The following CFAP43 variants were observed in gnomAD, a reference collection of about 807,000 sequenced individuals.
The protein encoded by CFAP43 is cilia- and flagella-associated protein 43.
CFAP43 carries 155 observed loss-of-function variants against 218.9 expected under a neutral mutation model. The observed-to-expected ratio is 0.71, with a 90% CI of 0.62 to 0.81. The LOEUF is 0.81. Ranked by LOEUF, CFAP43 falls within the 30% of genes least tolerant of loss-of-function variation. The probability of loss-of-function intolerance (pLI) is 0.00; values close to 1 mark genes in which losing one functional copy is unlikely to be tolerated. For missense variants in CFAP43, 1,778 were observed against 1,954.3 expected (o/e 0.91, Z 1.70); for synonymous variants, 645 against 681.3 (o/e 0.95, Z 0.83).
At chr10:104,178,999 G>T (rs370462831) in intron 19 of CFAP43, 30 bp downstream of exon 19, 14 of 1,555,700 alleles carry the variant, frequency 9.0e-6, no homozygotes, top group Admixed American at 1.7e-5. Flanking sequence ...GAGGGCCAAA[G>T]GTATTAGAAT....
chr10:104,142,143 A>C, intron 33 of CFAP43, 138 bp downstream of exon 33: 1 of 578,036 alleles, frequency 1.7e-6, no homozygotes, highest in Admixed American at 3.5e-5. Context: ...GCTTTTTAAA[A>C]TAGAAATTTT....
intron 28 of CFAP43, among the ~76,000 whole-genome samples, chr10:104,148,469 C>T (rs576738545): frequency 2.0e-5 from 3 of 152,278 alleles, no homozygotes; most frequent in Admixed American, 6.5e-5. Flanking sequence ...CATGTTGAAA[C>T]GTGATCCCTG....
chr10:104,175,525 A>G (rs928857943), intron 19 of CFAP43, among the ~76,000 whole-genome samples: 4 of 152,216 alleles, frequency 2.6e-5, no homozygotes, highest in African/African-American at 9.6e-5. Flanking sequence ...TGAAAATATC[A>G]TGTCAAAAGG....
Position 104,143,602 on chromosome 10 carries a change from C to A in CFAP43, c.3982G>T (p.Val1328Phe). ...KQKTHSETTS[V>F]VPFGELPGSG... ...CCTGGTAGTTCTCCGAAAGGGACAA[C>A]GCTGGTTGTTTCTGAGTGCGTTTTC... Residue 1328 changes from valine (V) to phenylalanine (F), a missense_variant, in exon 32 of 38, where the codon GTT becomes TTT. Physicochemically the swap from Val to Phe is conservative, Grantham distance 50. Coordinates refer to ENST00000357060, the MANE Select transcript of CFAP43 (RefSeq NM_025145.7). The A allele has an allele frequency of 2.5e-6, 4 of 1,614,176 alleles. No individual in the cohort carries two copies. The highest frequency in any genetic ancestry group is 3.4e-6 in the Non-Finnish European group (4 of 1,180,030).
At chr10:104,218,137 A>G (rs895011937) in intron 3 of CFAP43, among the ~76,000 whole-genome samples, 1 of 151,998 alleles carries the variant, frequency 6.6e-6, no homozygotes, top group Admixed American at 6.6e-5. Context: ...TCATGAGGTC[A>G]GGAGATTGAG....
At chr10:104,180,861 C>T (rs1176910382) in intron 17 of CFAP43, among the ~76,000 whole-genome samples, 1 of 152,136 alleles carries the variant, frequency 6.6e-6, no homozygotes, top group African/African-American at 2.4e-5. Context: ...TCCTCAGGGT[C>T]CTCTGCATCC....
chr10:104,197,670 T>C (rs916541414), intron 9 of CFAP43, among the ~76,000 whole-genome samples: 6 of 152,214 alleles, frequency 3.9e-5, no homozygotes, highest in African/African-American at 1.2e-4. Flanking sequence ...AAGATCTCAA[T>C]TGTGTTGGCT....
intron 8 of CFAP43, among the ~76,000 whole-genome samples, chr10:104,201,735 T>A (rs1249155639): frequency 6.6e-6 from 1 of 152,128 alleles, no homozygotes; most frequent in Non-Finnish European, 1.5e-5. Flanking sequence ...TCTTCTACAA[T>A]GTGTCATTCT....
At chr10:104,189,584 A>C (rs1416006074) in intron 12 of CFAP43, among the ~76,000 whole-genome samples, 2 of 152,044 alleles carry the variant, frequency 1.3e-5, no homozygotes, top group African/African-American at 4.8e-5. Context: ...CAGTTCTCTT[A>C]TTACTCTGGC....
In CFAP43 at chr10:104,172,484, C is replaced by T; in HGVS notation, c.2512G>A (p.Asp838Asn). 1.2e-6 allele frequency: 2 copies of T among 1,607,118 alleles called. No homozygotes were observed. Among genetic ancestry groups the T allele is most frequent in the Non-Finnish European group, 1.7e-6 (2 of 1,178,242 alleles). Reference protein sequence around the residue: ...NDKLENIAKLDQQEFGLDLEE... With the variant: ...NDKLENIAKLNQQEFGLDLEE... The stretch of plus-strand genomic sequence containing the variant: ...AGATCCAGACCAAATTCCTGTTGGT[C>T]TAATTTTGCAATATTTTCTAGTTTG... Residue 838 changes from aspartate to asparagine, a missense_variant, in exon 20 of 38, where the codon GAC becomes AAC. By Grantham distance (23) the Asp-to-Asn change is conservative. Coordinates refer to ENST00000357060, the MANE Select transcript of CFAP43 (RefSeq NM_025145.7).
chr10:104,166,482 AC>A lies in CFAP43; in HGVS notation c.3039+5del, dbSNP rs1179173639. 6.2e-7 allele frequency: 1 copy of A among 1,604,776 alleles called. No individual in the cohort carries two copies. Among genetic ancestry groups the A allele is most frequent in the South Asian group, 1.1e-5 (1 of 89,746 alleles). On this transcript the variant is annotated splice_donor_5th_base_variant and intron_variant, in intron 23 of 37. Transcript: ENST00000357060. ...ATTTTTCAGGATAAAAAGAAAATTGACCCACTTTCAATAATATAATTTGGTT... is the reference window on the plus strand; with the variant it reads ...ATTTTTCAGGATAAAAAGAAAATTGACCACTTTCAATAATATAATTTGGTT...
In CFAP43 at chr10:104,185,959, A is replaced by G. The variant is rs370915114; in HGVS notation, c.2010+15T>C. 8.2e-5 allele frequency: 132 copies of G among 1,602,944 alleles called. No homozygotes were observed. Among genetic ancestry groups the G allele is most frequent in the Non-Finnish European group, 1.1e-4 (127 of 1,176,398 alleles). ...ATATACACCCACAATATTTTTTTTT[A>G]AGAAAGCAGCTTACCAAAGTATAAA... is the stretch of plus-strand genomic sequence containing the variant. On this transcript the variant is annotated intron_variant, in intron 15 of 37. Transcript: ENST00000357060.
At chr10:104,178,965 A>T in intron 19 of CFAP43, 64 bp downstream of exon 19, 1 of 1,298,746 alleles carries the variant, frequency 7.7e-7, no homozygotes, top group Non-Finnish European at 1.1e-6. Context: ...GAACAAAATT[A>T]AGTTCAAAAA....
chr10:104,160,404 G>A (rs2088809481), intron 27 of CFAP43, among the ~76,000 whole-genome samples: 1 of 152,206 alleles, frequency 6.6e-6, no homozygotes, highest in African/African-American at 2.4e-5. Flanking sequence ...AAGCTGGAAA[G>A]CTGGCCTACC....
At chr10:104,159,387 T>C (rs1240688917) in intron 27 of CFAP43, among the ~76,000 whole-genome samples, 1 of 152,198 alleles carries the variant, frequency 6.6e-6, no homozygotes, top group Non-Finnish European at 1.5e-5. Context: ...AGGAAGTATT[T>C]TTTTAATAAG....
At chr10:104,185,167 C>T in intron 15 of CFAP43, 21 bp from the exon 16 acceptor site, 1 of 1,612,568 alleles carries the variant, frequency 6.2e-7, no homozygotes, top group Non-Finnish European at 8.5e-7. Context: ...AAGAAATAAA[C>T]CAGAAAAATT....
chr10:104,182,576 G>A, intron 16 of CFAP43, 63 bp from the exon 17 acceptor site: 1 of 1,452,840 alleles, frequency 6.9e-7, no homozygotes, highest in East Asian at 2.5e-5. Flanking sequence ...ATCACATTTA[G>A]CTGTATTATT....
chr10:104,212,267 T>C (rs551923864), intron 4 of CFAP43, 110 bp from the exon 5 acceptor site: 7 of 1,076,672 alleles, frequency 6.5e-6, no homozygotes, highest in Non-Finnish European at 8.9e-6. Context: ...CTTGCAAAAA[T>C]CAAATAAGAA....
chr10:104,197,990 C>G lies in CFAP43; in HGVS notation c.1144G>C (p.Val382Leu). 1 of 1,613,790 alleles carries G rather than the reference C, an allele frequency of 6.2e-7. No individual in the cohort carries two copies. Among genetic ancestry groups the G allele is most frequent in the Non-Finnish European group, 8.5e-7 (1 of 1,179,776 alleles). The part of the protein sequence containing the change: ...TFGKEPTLNK[V>L]LDACDGKFQA... ...AATTTCCCATCACAAGCATCTAGGA[C>G]TTTATTTAAGGTTGGCTCCTTACCA... is the stretch of plus-strand genomic sequence containing the variant. The change falls in exon 9 of 38, where the codon GTC (valine) becomes CTC (leucine). Residue 382 changes from valine to leucine, a missense_variant. By Grantham distance (32) the Val-to-Leu change is conservative. Around this residue, in one of 3 missense-constraint regions of CFAP43, gnomAD observed 1,553 missense variants for 1,685.2 expected, o/e 0.92. Transcript: ENST00000357060.
Sources: gnomAD v4.1 joint callset for allele counts (sites outside exome capture counted in the v4.1 genomes callset) on GRCh38, gnomAD v4.1.1 for gene constraint, gnomAD v4.1.1 regional missense constraint, MANE v1.5 for transcripts, NCBI Gene and HGNC (gene_info 2026-07-23, HGNC 2026-07-21) for gene names.